Variants in APOOL observed in about 807,000 individuals in gnomAD.
The protein encoded by APOOL is MICOS complex subunit MIC27.
APOOL carries 12 observed loss-of-function variants against 23.1 expected under a neutral mutation model. The observed-to-expected ratio is 0.52, with a 90% CI of 0.33 to 0.84. The LOEUF is 0.84. APOOL is among the 40% of genes least tolerant of loss of function. The pLI is 0.02. For missense variants in APOOL, 212 were observed against 199.6 expected, an observed-to-expected ratio of 1.06 and a Z score of -0.37; for synonymous variants, 77 against 69.9, an observed-to-expected ratio of 1.10 and a Z score of -0.51.
chrX:85,059,721 G>A (rs1465814301), intron 5 of APOOL, among the ~76,000 whole-genome samples: 7 of 110,271 alleles, frequency 6.3e-5, no homozygotes, highest in African/African-American at 9.9e-5. Flanking sequence ...TTTTTGATGG[G>A]GTTGTTTGTT....
chrX:85,030,159 G>A (rs1341187865), intron 1 of APOOL, among the ~76,000 whole-genome samples: 4 of 112,058 alleles, frequency 3.6e-5, no homozygotes, highest in Non-Finnish European at 7.5e-5. Flanking sequence ...TATACAGCAT[G>A]GAATACTACT....
intron 1 of APOOL, among the ~76,000 whole-genome samples, chrX:85,010,080 G>C (rs1921225151): frequency 9.0e-6 from 1 of 110,926 alleles, no homozygotes; most frequent in Admixed American, 9.6e-5. Flanking sequence ...CCATATCTTT[G>C]CTATTGTGAA....
intron 3 of APOOL, among the ~76,000 whole-genome samples, chrX:85,054,039 AT>A (rs1175748857): frequency 9.0e-6 from 1 of 111,163 alleles, no homozygotes; most frequent in East Asian, 2.8e-4. Flanking sequence ...AATTCCATTT[AT>A]TTTTCTAGGT....
intron 1 of APOOL, among the ~76,000 whole-genome samples, chrX:85,011,819 A>C (rs752659640): frequency 1.8e-5 from 2 of 111,637 alleles, no homozygotes; most frequent in Non-Finnish European, 3.8e-5. Context: ...TACTTCAGCT[A>C]TGTGGGCTCT....
chrX:85,004,876 G>T (rs1212360844), intron 1 of APOOL, among the ~76,000 whole-genome samples: 4 of 111,308 alleles, frequency 3.6e-5, no homozygotes, highest in African/African-American at 1.3e-4. Flanking sequence ...CTTATGTCTA[G>T]AACATCTGAT....
chrX:85,034,542 G>A (rs1169464428), intron 1 of APOOL, among the ~76,000 whole-genome samples: 1 of 110,706 alleles, frequency 9.0e-6, no homozygotes, highest in Non-Finnish European at 1.9e-5. Flanking sequence ...GAATGATGCT[G>A]ATGTATGGGG....
chrX:85,073,368 G>T (rs1304424055), intron 6 of APOOL, among the ~76,000 whole-genome samples: 1 of 111,475 alleles, frequency 9.0e-6, no homozygotes, highest in African/African-American at 3.2e-5. Flanking sequence ...TTTTCAAAGA[G>T]AAATAGAGAT....
intron 8 of APOOL, among the ~76,000 whole-genome samples, chrX:85,077,081 A>G (rs1331439880): frequency 1.0e-5 from 1 of 99,535 alleles, no homozygotes; most frequent in Admixed American, 1.1e-4. Flanking sequence ...ATATACATAT[A>G]TATATATATA....
intron 1 of APOOL, among the ~76,000 whole-genome samples, chrX:85,011,358 T>G (rs1569452624): frequency 8.9e-6 from 1 of 111,883 alleles, no homozygotes; most frequent in Non-Finnish European, 1.9e-5. Flanking sequence ...CATCTATTTA[T>G]TTTTGTTTTT....
chrX:85,078,872 C>G (rs780908192), intron 8 of APOOL, among the ~76,000 whole-genome samples: 4 of 111,414 alleles, frequency 3.6e-5, no homozygotes, highest in Non-Finnish European at 7.5e-5. Flanking sequence ...GGAATTCACT[C>G]ATGATTTGGC....
intron 2 of APOOL, among the ~76,000 whole-genome samples, chrX:85,046,987 T>C (rs895508457): frequency 9.0e-6 from 1 of 111,335 alleles, no homozygotes; most frequent in Non-Finnish European, 1.9e-5. Flanking sequence ...AGTGGCCATA[T>C]ATCTTCTACA....
chrX:85,047,704 G>A (rs1368015549), intron 2 of APOOL, among the ~76,000 whole-genome samples: 3 of 111,216 alleles, frequency 2.7e-5, no homozygotes, highest in African/African-American at 9.8e-5. Flanking sequence ...TTGTTGATCT[G>A]GCTTATCATG....
intron 8 of APOOL, 55 bp downstream of exon 8, chrX:85,074,446 G>A (rs771922824): frequency 1.1e-4 from 131 of 1,139,608 alleles, no homozygotes; most frequent in Non-Finnish European, 1.5e-4. Flanking sequence ...TAATTTGATA[G>A]CATTATCATT....
intron 1 of APOOL, among the ~76,000 whole-genome samples, chrX:85,017,036 C>T (rs1921499770): frequency 8.9e-6 from 1 of 112,178 alleles, no homozygotes; most frequent in Non-Finnish European, 1.9e-5. Context: ...TCTGTTTTCT[C>T]AGGTAATGGG....
In APOOL at chrX:85,009,892, A is replaced by G. The variant is rs190605288; in HGVS notation, c.15+5965A>G. ...TTAGCTCCCACTTATAAGTAAGAAC[A>G]TGTGGTATTTGGTTTTCTGTTCCTG... On this transcript the variant is annotated intron_variant, in intron 1 of 8. Transcript: ENST00000373173. Among the ~76,000 whole-genome samples the G allele has an allele frequency of 9.6e-4, 107 of 111,783 alleles. 1 individual carries two copies. The East Asian group carries it at 0.025, about 27-fold the overall frequency.
chrX:85,078,609 T>G, intron 8 of APOOL, among the ~76,000 whole-genome samples: 1 of 111,478 alleles, frequency 9.0e-6, no homozygotes, highest in Non-Finnish European at 1.9e-5. Context: ...TAAAGTAGTT[T>G]TTTTCCAATT....
chrX:85,078,790 T>A (rs1923962209), intron 8 of APOOL, among the ~76,000 whole-genome samples: 1 of 111,438 alleles, frequency 9.0e-6, no homozygotes, highest in Non-Finnish European at 1.9e-5. Flanking sequence ...ATAGTTCTGT[T>A]GAAGAGGTCC....
chrX:85,026,357 G>A (rs1186112169), intron 1 of APOOL, among the ~76,000 whole-genome samples: 1 of 113,051 alleles, frequency 8.8e-6, no homozygotes, highest in Non-Finnish European at 1.9e-5. Flanking sequence ...GGGAGGGGCT[G>A]CTGCAAAAGT....
At chrX:85,047,846 G>GAATCCTGAT (rs1922627181) in intron 2 of APOOL, among the ~76,000 whole-genome samples, 1 of 111,471 alleles carries the variant, frequency 9.0e-6, no homozygotes, top group Non-Finnish European at 1.9e-5. Context: ...GCCTGAATTT[G>GAATCCTGAT]AATCCTGATT....
Sources: gnomAD v4.1 joint callset for allele counts (sites outside exome capture counted in the v4.1 genomes callset) on GRCh38, gnomAD v4.1.1 for gene constraint, MANE v1.5 for transcripts, NCBI Gene and HGNC (gene_info 2026-07-23, HGNC 2026-07-21) for gene names.